The following ARID4B variants were observed in gnomAD, a reference collection of about 807,000 sequenced individuals.
ARID4B encodes the protein AT-rich interactive domain-containing protein 4B.
A neutral mutation model predicts 147.5 loss-of-function variants in ARID4B; 26 were observed. That is an observed-to-expected ratio of 0.18 (90% CI 0.13 to 0.24). The LOEUF is 0.24. ARID4B is among the 10% of genes least tolerant of loss of function. The probability of loss-of-function intolerance (pLI) is 1.00; values close to 1 mark genes in which losing one functional copy is unlikely to be tolerated. For missense variants in ARID4B, 1,179 were observed against 1,511.5 expected (o/e 0.78, Z 3.65); for synonymous variants, 512 against 507.9 (o/e 1.01, Z -0.11).
intron 8 of ARID4B, among the ~76,000 whole-genome samples, chr1:235,236,833 A>AATATATATATATAT (rs1553299956): frequency 3.0e-5 from 1 of 33,522 alleles, no homozygotes; most frequent in African/African-American, 1.5e-4. Flanking sequence ...TTTTATAAAA[A>AATATATATATATAT]ATATATATAT....
intron 2 of ARID4B, among the ~76,000 whole-genome samples, chr1:235,309,947 G>A (rs1039771031): frequency 1.3e-5 from 2 of 152,130 alleles, no homozygotes; most frequent in Non-Finnish European, 2.9e-5. Flanking sequence ...GGAGGTGCAA[G>A]ATGTGCTTTG....
Position 235,219,917 on chromosome 1 carries a change from T to C in ARID4B, c.1459A>G (p.Lys487Glu), listed in dbSNP as rs1355513241. The change falls in exon 16 of 24, where the codon AAA becomes GAA. Residue 487 changes from lysine (K) to glutamate (E), a missense_variant. Lys to Glu is a moderately conservative substitution (Grantham distance 56, BLOSUM62 1). Around this residue, in one of 10 missense-constraint regions of ARID4B, gnomAD observed 204 missense variants for 210.9 expected, o/e 0.97. Coordinates refer to ENST00000264183, the MANE Select transcript of ARID4B (RefSeq NM_016374.6). ...TCTGGTTTTTTAATGTTAACTTCTT[T>C]TTCCTGATCAGAATGTGTAGGTATA... ...ESIPTHSDQEKEVNIKKPEDN... is the reference protein window; with the variant it reads ...ESIPTHSDQEEEVNIKKPEDN... 5.0e-6 allele frequency: 8 copies of C among 1,589,710 alleles called. No individual in the cohort carries two copies. Among genetic ancestry groups the C allele is most frequent in the African/African-American group, 1.4e-5 (1 of 74,064 alleles).
chr1:235,309,422 T>TG (rs1310454028), intron 2 of ARID4B, among the ~76,000 whole-genome samples: 14 of 133,832 alleles, frequency 1.0e-4, no homozygotes, highest in South Asian at 2.4e-4. Context: ...GGGAGGGAGG[T>TG]GGGGGGGTCA....
chr1:235,283,512 G>A (rs1386357292), intron 2 of ARID4B, among the ~76,000 whole-genome samples: 5 of 152,020 alleles, frequency 3.3e-5, no homozygotes, highest in African/African-American at 1.2e-4. Context: ...TTTCCTACCT[G>A]ATTTTCTGGA....
intron 2 of ARID4B, among the ~76,000 whole-genome samples, chr1:235,311,699 G>C (rs753989044): frequency 2.0e-5 from 3 of 151,366 alleles, no homozygotes; most frequent in Non-Finnish European, 4.4e-5. Flanking sequence ...TCTTGAACCC[G>C]GGAGGCAGAG....
At chr1:235,215,018 T>C (rs911317700) in intron 16 of ARID4B, among the ~76,000 whole-genome samples, 2 of 151,916 alleles carry the variant, frequency 1.3e-5, no homozygotes, top group Non-Finnish European at 2.9e-5. Flanking sequence ...ATTTTTTTTG[T>C]ATTTTTAGTA....
rs1571901697 is a variant in ARID4B, at chr1:235,177,835, G to A, written c.3413C>T (p.Ala1138Val). ...CTTCTTTTTGTTGTTTACCACTGTT[G>A]CTTTATGGCTTCTTTTCTGCTTTTT... is the stretch of plus-strand genomic sequence containing the variant. The part of the protein sequence containing the change: ...SSKKQKRSHK[A>V]TVVNNKKKGK... Residue 1138 changes from alanine to valine, a missense_variant, in exon 21 of 24, where the codon GCA (alanine) becomes GTA (valine). Physicochemically the swap from Ala to Val is moderately conservative, Grantham distance 64. Around this residue, in one of 10 missense-constraint regions of ARID4B, gnomAD observed 357 missense variants for 427.3 expected, o/e 0.84. Coordinates refer to ENST00000264183, the MANE Select transcript of ARID4B (RefSeq NM_016374.6). The A allele has an allele frequency of 1.2e-6, 2 of 1,612,232 alleles. No individual in the cohort carries two copies. Among genetic ancestry groups the A allele is most frequent in the Middle Eastern group, 1.7e-4 (1 of 6,050 alleles).
intron 21 of ARID4B, 181 bp from the exon 22 acceptor site, chr1:235,175,580 T>C (rs1281838283): frequency 1.7e-6 from 1 of 587,542 alleles, no homozygotes; most frequent in African/African-American, 1.9e-5. Context: ...CAAAAAATTC[T>C]TCTTACCTGA....
At chr1:235,256,035 G>A (rs10449287) in intron 4 of ARID4B, among the ~76,000 whole-genome samples, 42,785 of 151,478 alleles carry the variant, frequency 0.28, 7,395 homozygotes, top group South Asian at 0.53. Context: ...TTGGGCAGGC[G>A]TGGTGGCAGG....
Position 235,168,450 on chromosome 1 carries a change from G to C in ARID4B, c.*75C>G. On this transcript the variant is annotated 3_prime_UTR_variant, in exon 24 of 24. Transcript: ENST00000264183. Reference sequence around the variant, plus strand: ...AATAGTGCTTGTCTGATATTTTTTTGTGCCACTGTGCAGTATAAAAAAAAA... The same window carrying C: ...AATAGTGCTTGTCTGATATTTTTTTCTGCCACTGTGCAGTATAAAAAAAAA... 2.8e-6 allele frequency: 4 copies of C among 1,437,114 alleles called. No homozygotes were observed. Among genetic ancestry groups the C allele is most frequent in the Non-Finnish European group, 3.7e-6 (4 of 1,078,236 alleles). The allele number at this position is 1,437,114 out of a possible 1,614,324, so 89.0% of individuals were successfully genotyped here.
chr1:235,280,330 T>A (rs1671586699), intron 2 of ARID4B, among the ~76,000 whole-genome samples: 1 of 152,236 alleles, frequency 6.6e-6, no homozygotes. Context: ...ACAGGACACC[T>A]TCACTGACAA....
chr1:235,202,582 C>T (rs1449301014), intron 17 of ARID4B, among the ~76,000 whole-genome samples: 1 of 150,604 alleles, frequency 6.6e-6, no homozygotes, highest in African/African-American at 2.5e-5. Flanking sequence ...CGGAGTCTTG[C>T]TCTGTTGCCC....
chr1:235,229,741 T>G (rs963578641), intron 10 of ARID4B, among the ~76,000 whole-genome samples: 1 of 149,978 alleles, frequency 6.7e-6, no homozygotes, highest in Non-Finnish European at 1.5e-5. Flanking sequence ...CAAACAATTA[T>G]CAAACAGTAT....
rs763246350 is a variant in ARID4B, at chr1:235,231,138, T to C, written c.717A>G (p.Pro239=). The change falls in exon 10 of 24, where the codon CCA becomes CCG. Residue 239 remains proline, a synonymous_variant. Transcript: ENST00000264183. ...DVHEITSDTA[P]KPDAVLKQAF... is the part of the protein sequence containing the mutation. ...CTTGCTTTAAAACAGCATCAGGCTT[T>C]GGTGCAGTGTCACTAGTAATTTCAT... is the stretch of plus-strand genomic sequence containing the variant. 6.3e-7 allele frequency: 1 copy of C among 1,592,880 alleles called. No homozygotes were observed. Among genetic ancestry groups the C allele is most frequent in the East Asian group, 2.3e-5 (1 of 44,232 alleles).
chr1:235,293,838 G>C (rs934219326), intron 2 of ARID4B, among the ~76,000 whole-genome samples: 1 of 152,056 alleles, frequency 6.6e-6, no homozygotes, highest in African/African-American at 2.4e-5. Context: ...CAGACTTTTA[G>C]GAAAAGATTC....
At chr1:235,194,337 A>G (rs1571942884) in intron 18 of ARID4B, 126 bp from the exon 19 acceptor site, 2 of 785,216 alleles carry the variant, frequency 2.5e-6, no homozygotes, top group South Asian at 1.9e-5. Context: ...AAGAAAGAAC[A>G]TAAGAAGCCC....
intron 13 of ARID4B, among the ~76,000 whole-genome samples, chr1:235,222,142 G>A (rs1452552022): frequency 1.3e-5 from 2 of 151,790 alleles, no homozygotes; most frequent in African/African-American, 2.4e-5. Flanking sequence ...AAAGTCCTGG[G>A]CTCCAGCAAT....
intron 2 of ARID4B, among the ~76,000 whole-genome samples, chr1:235,305,436 G>T (rs898423107): frequency 4.6e-5 from 7 of 152,090 alleles, no homozygotes; most frequent in African/African-American, 1.7e-4. Context: ...AATGTTCTGT[G>T]TACTAAGAAA....
intron 11 of ARID4B, chr1:235,228,289 T>A (rs1360796146): frequency 7.2e-6 from 1 of 139,460 alleles, no homozygotes; most frequent in Non-Finnish European, 1.6e-5. Flanking sequence ...TAGGTTCTTT[T>A]TTTTTTTTTT....
Sources: allele counts gnomAD v4.1 joint callset (sites outside exome capture counted in the v4.1 genomes callset), GRCh38; gene constraint gnomAD v4.1.1; regional missense constraint gnomAD v4.1.1; transcripts MANE v1.5; gene names NCBI Gene and HGNC (gene_info 2026-07-23, HGNC 2026-07-21).